Variants in TPGS2 observed in about 807,000 individuals in gnomAD.
TPGS2 encodes the protein polyglutamylase subunit 2.
TPGS2 carries 26 observed loss-of-function variants against 31.1 expected under a neutral mutation model. The ratio of observed to expected loss-of-function variants is 0.84; its 90% CI spans 0.61 to 1.16. TPGS2 has a LOEUF of 1.16. TPGS2 is among the 50% of genes most tolerant of loss of function. The probability of loss-of-function intolerance (pLI) is 0.00; values close to 1 mark genes in which losing one functional copy is unlikely to be tolerated. For missense variants in TPGS2, 351 were observed against 363.8 expected, an observed-to-expected ratio of 0.96 and a Z score of 0.29; for synonymous variants, 130 against 136.6, an observed-to-expected ratio of 0.95 and a Z score of 0.34.
chr18:36,800,857 T>C (rs2044777511), intron 4 of TPGS2, among the ~76,000 whole-genome samples: 1 of 152,084 alleles, frequency 6.6e-6, no homozygotes, highest in Non-Finnish European at 1.5e-5. Context: ...GCCTGGCTAA[T>C]TTTTGTATTT....
intron 2 of TPGS2, 56 bp from the exon 3 acceptor site, chr18:36,807,990 C>T: frequency 1.9e-6 from 3 of 1,576,028 alleles, no homozygotes; most frequent in East Asian, 4.5e-5. Flanking sequence ...GGGTACAGGG[C>T]TATGGCTTAA....
downstream of TPGS2, among the ~76,000 whole-genome samples, chr18:36,782,328 G>A (rs1355286990): frequency 6.6e-6 from 1 of 152,112 alleles, no homozygotes; most frequent in Non-Finnish European, 1.5e-5. Flanking sequence ...CTTTTATTGG[G>A]CCCAGCATCT....
intron 2 of TPGS2, among the ~76,000 whole-genome samples, chr18:36,812,360 G>A (rs1484642573): frequency 6.6e-6 from 1 of 152,170 alleles, no homozygotes; most frequent in Non-Finnish European, 1.5e-5. Flanking sequence ...CTGACCTCAG[G>A]GAGGGAAGAG....
rs544408612 is a variant in TPGS2, at chr18:36,795,185, A to ACAAT, written c.*1616_*1619dup. 5.0e-5 allele frequency: 49 copies of ACAAT among 985,442 alleles called. No homozygotes were observed. The highest frequency in any genetic ancestry group is 3.4e-4 in the East Asian group (3 of 8,814). The allele number at this position is 985,442 out of a possible 1,614,324, so 61.0% of individuals were successfully genotyped here. ...TCATGAATATCTATCACTATTGTCA[A>ACAAT]CAATCAAAATAAACATGTTTCAGAG... On this transcript the variant is annotated 3_prime_UTR_variant, in exon 7 of 7. Coordinates refer to ENST00000334295, the MANE Select transcript of TPGS2 (RefSeq NM_015476.4).
chr18:36,802,990 GTTTT>G (rs1017410324), intron 4 of TPGS2, among the ~76,000 whole-genome samples: 8 of 151,682 alleles, frequency 5.3e-5, no homozygotes, highest in Non-Finnish European at 1.0e-4. Context: ...ATTTTTAATT[GTTTT>G]ATTTGACAAA....
chr18:36,800,158 C>A, intron 5 of TPGS2, 40 bp downstream of exon 5: 1 of 1,585,508 alleles, frequency 6.3e-7, no homozygotes, highest in East Asian at 2.2e-5. Context: ...AGGCAAGACC[C>A]TAGCCAAACT....
Position 36,828,980 on chromosome 18 carries a change from C to G in TPGS2, c.-213G>C. The G allele has an allele frequency of 9.3e-7, 1 of 1,071,390 alleles. No individual in the cohort carries two copies. The highest frequency in any genetic ancestry group is 3.4e-5 in the Admixed American group (1 of 29,176). The allele number at this position is 1,071,390 out of a possible 1,614,324, so 66.4% of individuals were successfully genotyped here. On this transcript the variant is annotated 5_prime_UTR_variant, in exon 1 of 7. Coordinates refer to ENST00000334295, the MANE Select transcript of TPGS2 (RefSeq NM_015476.4). Reference sequence around the variant, plus strand: ...CCGCCCGGTGCCCCACACCGCACCTCCGGGACGTAGCTTCCCCTTCGCCCC... The same window carrying G: ...CCGCCCGGTGCCCCACACCGCACCTGCGGGACGTAGCTTCCCCTTCGCCCC...
At chr18:36,813,702 T>A (rs1413599207) in intron 2 of TPGS2, among the ~76,000 whole-genome samples, 3 of 152,196 alleles carry the variant, frequency 2.0e-5, no homozygotes, top group Admixed American at 6.5e-5. Context: ...ACACTTGGCA[T>A]GAAAAGCAAC....
At chr18:36,806,850 TA>T (rs397962723) in intron 3 of TPGS2, among the ~76,000 whole-genome samples, 3,039 of 36,878 alleles carry the variant, frequency 0.082, 32 homozygotes, top group East Asian at 0.13. Context: ...GACTCCATCT[TA>T]AAAAAAAAAA....
At chr18:36,809,055 A>C (rs989556952) in intron 2 of TPGS2, among the ~76,000 whole-genome samples, 3 of 152,204 alleles carry the variant, frequency 2.0e-5, no homozygotes, top group African/African-American at 7.2e-5. Context: ...TGCTTATGTC[A>C]GGACTGCATT....
intron 5 of TPGS2, among the ~76,000 whole-genome samples, chr18:36,799,990 C>A (rs572232704): frequency 6.6e-6 from 1 of 152,250 alleles, no homozygotes; most frequent in African/African-American, 2.4e-5. Context: ...CAATAACTCA[C>A]AAATGAAGAT....
chr18:36,786,864 A>G (rs886808287), intron 6 of TPGS2: 15 of 1,234,338 alleles, frequency 1.2e-5, no homozygotes, highest in Non-Finnish European at 1.5e-5. Flanking sequence ...CATTCTTGCC[A>G]TAACTGAGGA....
intron 1 of TPGS2, chr18:36,821,116 G>A (rs1245375095): frequency 6.6e-6 from 1 of 152,188 alleles, no homozygotes; most frequent in African/African-American, 2.4e-5. Context: ...GAGTTGGCCT[G>A]TGAGTGCCTT....
At position 36,794,701 on chromosome 18, in the gene TPGS2, GTC is replaced by G. The variant is rs1420864030; in HGVS notation, c.*2102_*2103del. 1.0e-6 allele frequency: 1 copy of G among 985,138 alleles called. No homozygotes were observed. The highest frequency in any genetic ancestry group is 1.7e-5 in the African/African-American group (1 of 57,146). 61.0% of individuals were successfully genotyped at this position (985,138 alleles called of 1,614,324 possible). On this transcript the variant is annotated 3_prime_UTR_variant, in exon 7 of 7. Coordinates refer to ENST00000334295, the MANE Select transcript of TPGS2 (RefSeq NM_015476.4). ...TCCAGCTATTGTCCTCAACAACTTG[GTC>G]TCTCTATATCCTTTTCTGCCACTCC...
In TPGS2 at chr18:36,828,986, C is replaced by T. The variant is rs2046340518; in HGVS notation, c.-219G>A. ...GGTGCCCCACACCGCACCTCCGGGA[C>T]GTAGCTTCCCCTTCGCCCCCACCCT... On this transcript the variant is annotated 5_prime_UTR_variant, in exon 1 of 7. Coordinates refer to ENST00000334295, the MANE Select transcript of TPGS2 (RefSeq NM_015476.4). 9.3e-7 allele frequency: 1 copy of T among 1,080,588 alleles called. No homozygotes were observed. The highest frequency in any genetic ancestry group is 3.5e-5 in the Admixed American group (1 of 28,780). The allele number at this position is 1,080,588 out of a possible 1,614,324, so 66.9% of individuals were successfully genotyped here. A position where few individuals can be genotyped will look rare whatever the true frequency, so the allele number is the denominator to read the frequency against.
At chr18:36,828,650 A>T (rs1236469639) in intron 1 of TPGS2, 33 bp downstream of exon 1, 1 of 1,611,918 alleles carries the variant, frequency 6.2e-7, no homozygotes, top group Admixed American at 1.7e-5. Flanking sequence ...CTTCTCCTCC[A>T]CACCCTCTCG....
chr18:36,785,539 CT>C (rs1361185151), intron 6 of TPGS2, among the ~76,000 whole-genome samples: 3 of 152,136 alleles, frequency 2.0e-5, no homozygotes, highest in Non-Finnish European at 4.4e-5. Flanking sequence ...ATTGCTGATA[CT>C]TTCTCGAGGG....
rs2044461618 is a variant in TPGS2 at position 36,795,010 on chromosome 18, A to G, written c.*1795T>C. On this transcript the variant is annotated 3_prime_UTR_variant, in exon 7 of 7. Transcript: ENST00000334295. ...CAGTTTATGCTCCCAAAGACTCTTA[A>G]GCGCTGATATTTCAAGACTTTGAAC... 14 of 985,426 alleles carry G rather than the reference A, an allele frequency of 1.4e-5. No individual in the cohort carries two copies. Among genetic ancestry groups the G allele is most frequent in the Non-Finnish European group, 1.7e-5 (14 of 829,936 alleles). The allele number at this position is 985,426 out of a possible 1,614,324, so 61.0% of individuals were successfully genotyped here. A position where few individuals can be genotyped will look rare whatever the true frequency, so the allele number is the denominator to read the frequency against.
intron 1 of TPGS2, among the ~76,000 whole-genome samples, chr18:36,822,094 C>G (rs2045918616): frequency 6.6e-6 from 1 of 152,202 alleles, no homozygotes; most frequent in Admixed American, 6.5e-5. Flanking sequence ...GCAGCAAAAG[C>G]AGTAACAATT....
Sources: gnomAD v4.1 joint callset for allele counts (sites outside exome capture counted in the v4.1 genomes callset) on GRCh38, gnomAD v4.1.1 for gene constraint, MANE v1.5 for transcripts, NCBI Gene and HGNC (gene_info 2026-07-23, HGNC 2026-07-21) for gene names.